The following FOXN3 variants were observed in gnomAD, a reference collection of about 807,000 sequenced individuals.
The protein encoded by FOXN3 is forkhead box protein N3.
FOXN3 carries 7 observed loss-of-function variants against 38.4 expected under a neutral mutation model. The observed-to-expected ratio is 0.18, with a 90% CI of 0.10 to 0.34. The LOEUF (loss-of-function observed/expected upper bound fraction) is 0.34, where lower values mean the gene tolerates loss of function less well. Ranked by LOEUF, FOXN3 falls within the 10% of genes least tolerant of loss-of-function variation. The pLI is 1.00. For synonymous variants in FOXN3, 230 were observed against 242.2 expected (o/e 0.95, Z 0.47); for missense variants, 456 against 613.4 (o/e 0.74, Z 2.71).
chr14:89,225,541 T>A lies in FOXN3; in HGVS notation c.746-44735A>T, dbSNP rs572544834. On this transcript the variant is annotated intron_variant, in intron 4 of 5. Coordinates refer to ENST00000557258, the MANE Select transcript of FOXN3 (RefSeq NM_005197.4). ...ATGGCGTGAACCCAGGAGACAGAGC[T>A]TGCAGTGAGCTGAGATCGTGCCACT... Among the ~76,000 whole-genome samples, 13 of 151,752 alleles carry A rather than the reference T, an allele frequency of 8.6e-5. No individual in the cohort carries two copies. In the South Asian group the frequency reaches 2.7e-3, roughly 32 times the overall value.
At chr14:89,618,685 C>T (rs1185369543) in intron 1 of FOXN3, among the ~76,000 whole-genome samples, 1 of 151,264 alleles carries the variant, frequency 6.6e-6, no homozygotes, top group African/African-American at 2.4e-5. Flanking sequence ...AGAATTGCAT[C>T]AATTATTTGA....
At chr14:89,323,906 T>C (rs895309329) in intron 3 of FOXN3, among the ~76,000 whole-genome samples, 7 of 152,166 alleles carry the variant, frequency 4.6e-5, no homozygotes, top group Non-Finnish European at 8.8e-5. Context: ...CTCTGTCATT[T>C]ACTAGCACTG....
chr14:89,368,780 C>A (rs956633824), intron 2 of FOXN3, among the ~76,000 whole-genome samples: 1 of 152,166 alleles, frequency 6.6e-6, no homozygotes, highest in Non-Finnish European at 1.5e-5. Flanking sequence ...CTTCTCAGCT[C>A]AGCTGAGAAC....
intron 1 of FOXN3, among the ~76,000 whole-genome samples, chr14:89,515,920 G>A (rs568502550): frequency 3.3e-5 from 5 of 152,234 alleles, no homozygotes; most frequent in Non-Finnish European, 5.9e-5. Flanking sequence ...TCATTGTGAC[G>A]GTGTGGTTGC....
At chr14:89,534,737 G>A (rs1429704735) in intron 1 of FOXN3, among the ~76,000 whole-genome samples, 1 of 152,218 alleles carries the variant, frequency 6.6e-6, no homozygotes, top group Non-Finnish European at 1.5e-5. Flanking sequence ...TTGGGCATCA[G>A]ACTTGTTCAA....
intron 1 of FOXN3, among the ~76,000 whole-genome samples, chr14:89,427,125 A>G (rs1310740284): frequency 6.7e-6 from 1 of 150,242 alleles, no homozygotes; most frequent in Admixed American, 6.6e-5. Flanking sequence ...GTTACTTGGG[A>G]GGCTGAGGCA....
intron 4 of FOXN3, among the ~76,000 whole-genome samples, chr14:89,182,389 C>T (rs1295700863): frequency 2.0e-5 from 3 of 152,112 alleles, no homozygotes; most frequent in Non-Finnish European, 4.4e-5. Context: ...CTAGGTCTTA[C>T]AAAAGGTGGG....
upstream of FOXN3, among the ~76,000 whole-genome samples, chr14:89,420,556 A>G (rs1448084913): frequency 6.6e-6 from 1 of 152,186 alleles, no homozygotes; most frequent in Non-Finnish European, 1.5e-5. Flanking sequence ...AGAAAGCACA[A>G]GGGGATGATT....
At chr14:89,430,972 T>G (rs959090418) in intron 1 of FOXN3, among the ~76,000 whole-genome samples, 4 of 152,220 alleles carry the variant, frequency 2.6e-5, no homozygotes, top group Admixed American at 2.6e-4. Context: ...GGCTCTAACT[T>G]GAACCTCAGA....
rs552761482 is a variant in FOXN3 at position 89,611,464 on chromosome 14, C to T, written c.-15+7564G>A. ...ACTTTTTATTTACCAAGTAGGTAAA[C>T]GTGCTCAGGGATGGACGAAGAGAAA... On this transcript the variant is annotated intron_variant, in intron 1 of 6. Transcript: ENST00000345097. Among the ~76,000 whole-genome samples, 92 of 152,230 alleles carry T rather than the reference C, an allele frequency of 6.0e-4. 1 individual carries two copies. Among genetic ancestry groups the T allele is most frequent in the Non-Finnish European group, 1.1e-3 (72 of 68,024 alleles).
chr14:89,185,619 T>G (rs1365404048), intron 4 of FOXN3: 1 of 152,308 alleles, frequency 6.6e-6, no homozygotes, highest in Non-Finnish European at 1.5e-5. Flanking sequence ...TTCCTCGGAT[T>G]TGTGGCTCTC....
upstream of FOXN3, chr14:89,419,723 C>T (rs563490819): frequency 6.5e-6 from 1 of 153,366 alleles, no homozygotes. Context: ...AGAAGAGCGC[C>T]CCTCCCTTGA....
chr14:89,606,026 T>TA (rs539954171), intron 1 of FOXN3, among the ~76,000 whole-genome samples: 14 of 147,730 alleles, frequency 9.5e-5, no homozygotes, highest in African/African-American at 2.2e-4. Context: ...TCTGTGAGAT[T>TA]AAAAAAAAAA....
chr14:89,447,938 C>A (rs764951916), intron 1 of FOXN3, among the ~76,000 whole-genome samples: 26 of 150,162 alleles, frequency 1.7e-4, no homozygotes, highest in Non-Finnish European at 2.8e-4. Flanking sequence ...CTGCCTCAGC[C>A]TCCCAAGTAG....
chr14:89,491,357 C>T (rs983787125), intron 1 of FOXN3, among the ~76,000 whole-genome samples: 2 of 152,176 alleles, frequency 1.3e-5, no homozygotes, highest in Non-Finnish European at 2.9e-5. Flanking sequence ...ATGGAGAAAT[C>T]ATTTCAATGA....
intron 2 of FOXN3, among the ~76,000 whole-genome samples, chr14:89,411,223 C>G (rs1206578907): frequency 6.6e-6 from 1 of 152,232 alleles, no homozygotes; most frequent in African/African-American, 2.4e-5. Flanking sequence ...CCAAAACCAT[C>G]CCCCTTGGCT....
intron 1 of FOXN3, among the ~76,000 whole-genome samples, chr14:89,558,239 G>A (rs1321543698): frequency 6.6e-6 from 1 of 152,144 alleles, no homozygotes; most frequent in Non-Finnish European, 1.5e-5. Context: ...ATTTTAGCCA[G>A]AAGCACAAAA....
At chr14:89,207,170 G>A (rs78955522) in intron 4 of FOXN3, among the ~76,000 whole-genome samples, 2 of 151,968 alleles carry the variant, frequency 1.3e-5, no homozygotes, top group East Asian at 1.9e-4. Context: ...GCAGTGAGCC[G>A]AGACGCACCA....
At chr14:89,411,160 G>A (rs915436356) in intron 2 of FOXN3, among the ~76,000 whole-genome samples, 6 of 152,160 alleles carry the variant, frequency 3.9e-5, no homozygotes, top group Admixed American at 6.5e-5. Flanking sequence ...TCTAGGTTGC[G>A]TGCTTCTTAT....
Sources: allele counts gnomAD v4.1 joint callset (sites outside exome capture counted in the v4.1 genomes callset), GRCh38; gene constraint gnomAD v4.1.1; transcripts MANE v1.5; gene names NCBI Gene and HGNC (gene_info 2026-07-23, HGNC 2026-07-21).